The following KALRN variants were observed in gnomAD, a reference collection of about 807,000 sequenced individuals.
The protein encoded by KALRN is kalirin.
KALRN carries 70 observed loss-of-function variants against 353.7 expected under a neutral mutation model. The ratio of observed to expected loss-of-function variants is 0.20; its 90% CI spans 0.16 to 0.24. The LOEUF is 0.24. KALRN is among the 10% of genes least tolerant of loss of function. The probability of loss-of-function intolerance (pLI) is 1.00; values close to 1 mark genes in which losing one functional copy is unlikely to be tolerated. For missense variants in KALRN, 2,791 were observed against 3,756.7 expected (o/e 0.74, Z 6.72); for synonymous variants, 1,391 against 1,434.8 (o/e 0.97, Z 0.69).
At chr3:124,120,362 G>A (rs930573639) in intron 1 of KALRN, among the ~76,000 whole-genome samples, 2 of 152,126 alleles carry the variant, frequency 1.3e-5, no homozygotes, top group African/African-American at 2.4e-5. Flanking sequence ...ATCCACAGGT[G>A]GTTTAGGTAA....
intron 32 of KALRN, among the ~76,000 whole-genome samples, chr3:124,495,965 G>GTGTATATATATATATA (rs1239001137): frequency 5.3e-4 from 22 of 41,472 alleles, no homozygotes; most frequent in South Asian, 1.9e-3. Context: ...GTGTATGTAT[G>GTGTATATATATATATA]TATATATATA....
At chr3:124,259,544 G>C (rs1039638258) in intron 3 of KALRN, among the ~76,000 whole-genome samples, 1 of 152,148 alleles carries the variant, frequency 6.6e-6, no homozygotes, top group Non-Finnish European at 1.5e-5. Flanking sequence ...TACATTGTGG[G>C]AACTGAGGCA....
intron 34 of KALRN, among the ~76,000 whole-genome samples, chr3:124,577,673 G>A (rs2074247758): frequency 6.6e-6 from 1 of 152,092 alleles, no homozygotes; most frequent in Non-Finnish European, 1.5e-5. Context: ...GATTGCTTGA[G>A]GCCAAGAGTT....
At position 124,398,844 on chromosome 3, in the gene KALRN, G is replaced by A. The variant is rs748805122; in HGVS notation, c.2319G>A (p.Leu773=). 3 of 1,613,426 alleles carry A rather than the reference G, an allele frequency of 1.9e-6. No individual in the cohort carries two copies. Among genetic ancestry groups the A allele is most frequent in the African/African-American group, 2.7e-5 (2 of 74,918 alleles). The change falls in exon 13 of 60, where the codon CTG becomes CTA. Residue 773 remains leucine (L), a synonymous_variant. Transcript: ENST00000682506. The part of the protein sequence containing the change: ...RKIKLDIFLQ[L]RIFEQYTIEV... Reference sequence around the variant, plus strand: ...TCAAGCTGGACATCTTCCTGCAACTGCGCATCTTTGAGCAGTACACCATCG... The same window carrying A: ...TCAAGCTGGACATCTTCCTGCAACTACGCATCTTTGAGCAGTACACCATCG...
intron 28 of KALRN, among the ~76,000 whole-genome samples, chr3:124,484,320 G>A (rs971403731): frequency 1.3e-5 from 2 of 152,182 alleles, no homozygotes; most frequent in African/African-American, 2.4e-5. Flanking sequence ...CTGAGTCAGA[G>A]TGGGGCCGTG....
intron 9 of KALRN, among the ~76,000 whole-genome samples, chr3:124,343,491 A>G: frequency 6.6e-6 from 1 of 152,178 alleles, no homozygotes; most frequent in East Asian, 1.9e-4. Context: ...CTGAAAATGA[A>G]AAGTGTCTTT....
At chr3:124,451,026 C>T (rs1030878334) in intron 21 of KALRN, among the ~76,000 whole-genome samples, 1 of 148,338 alleles carries the variant, frequency 6.7e-6, no homozygotes, top group Non-Finnish European at 1.5e-5. Context: ...TTTGTGTCTA[C>T]AAAAAAAAAT....
intron 45 of KALRN, among the ~76,000 whole-genome samples, chr3:124,664,368 T>TGCACGC (rs1347109561): frequency 7.6e-6 from 1 of 132,148 alleles, no homozygotes; most frequent in African/African-American, 3.1e-5. Flanking sequence ...TGTGTGTGTG[T>TGCACGC]GTGCGCGCGC....
intron 5 of KALRN, among the ~76,000 whole-genome samples, chr3:124,294,488 A>G (rs946350953): frequency 6.9e-6 from 1 of 144,876 alleles, no homozygotes; most frequent in African/African-American, 2.6e-5. Context: ...GCATCACACA[A>G]TTGTCAGGGC....
At chr3:124,602,044 A>T (rs1425987187) in intron 34 of KALRN, among the ~76,000 whole-genome samples, 1 of 149,926 alleles carries the variant, frequency 6.7e-6, no homozygotes, top group Non-Finnish European at 1.5e-5. Context: ...AAAAAAAAAG[A>T]AAAGAAAAAT....
In KALRN at chr3:124,671,913, A is replaced by C; in HGVS notation, c.6942+15A>C. On this transcript the variant is annotated intron_variant, in intron 48 of 59. Coordinates refer to ENST00000682506, the MANE Select transcript of KALRN (RefSeq NM_001388419.1). ...AAGCCAGCAAGGTAAGTGACAACTCATTACTCCCACCCTTGTCACTACGAT... is the reference window on the plus strand; with the variant it reads ...AAGCCAGCAAGGTAAGTGACAACTCCTTACTCCCACCCTTGTCACTACGAT... 160 of 1,554,214 alleles carry C rather than the reference A, an allele frequency of 1.0e-4. No homozygotes were observed. Among genetic ancestry groups the C allele is most frequent in the Non-Finnish European group, 1.3e-4 (148 of 1,125,994 alleles).
At chr3:124,362,170 G>A (rs2084124352) in intron 10 of KALRN, among the ~76,000 whole-genome samples, 1 of 152,134 alleles carries the variant, frequency 6.6e-6, no homozygotes, top group African/African-American at 2.4e-5. Context: ...TGAGGAAAAG[G>A]GCTTCAGGCA....
At chr3:124,305,737 C>T (rs1046244237) in intron 6 of KALRN, among the ~76,000 whole-genome samples, 1 of 151,968 alleles carries the variant, frequency 6.6e-6, no homozygotes, top group Non-Finnish European at 1.5e-5. Flanking sequence ...AACAAATAAG[C>T]AAATAACAAC....
chr3:124,442,078 C>T lies in KALRN; in HGVS notation c.3313+19C>T, dbSNP rs1266592258. ...GTGAAAGGTCAGTGAGAGACCTGCC[C>T]AGCCACCAGTCACTTCAGCGACAGC... On this transcript the variant is annotated intron_variant, in intron 19 of 59. Coordinates refer to ENST00000682506, the MANE Select transcript of KALRN (RefSeq NM_001388419.1). The T allele has an allele frequency of 2.2e-5, 33 of 1,511,030 alleles. No individual in the cohort carries two copies. The highest frequency in any genetic ancestry group is 2.8e-5 in the Non-Finnish European group (31 of 1,099,140). The allele number at this position is 1,511,030 out of a possible 1,614,324, so 93.6% of individuals were successfully genotyped here. A position where few individuals can be genotyped will look rare whatever the true frequency, so the allele number is the denominator to read the frequency against.
At chr3:124,134,645 C>T (rs1167183045) in intron 1 of KALRN, among the ~76,000 whole-genome samples, 1 of 152,134 alleles carries the variant, frequency 6.6e-6, no homozygotes, top group African/African-American at 2.4e-5. Flanking sequence ...GGACTAATAT[C>T]CAGAATCTAC....
intron 1 of KALRN, among the ~76,000 whole-genome samples, chr3:124,073,309 G>A (rs2149277542): frequency 6.6e-6 from 1 of 152,302 alleles, no homozygotes; most frequent in East Asian, 1.9e-4. Context: ...CCTCTTGGAA[G>A]CAGTAAATGG....
chr3:124,607,317 T>TCAA (rs34749045), intron 34 of KALRN, among the ~76,000 whole-genome samples: 1 of 151,566 alleles, frequency 6.6e-6, no homozygotes, highest in East Asian at 1.9e-4. Flanking sequence ...AGTATAAACA[T>TCAA]TGTGCAAGAA....
intron 33 of KALRN, among the ~76,000 whole-genome samples, chr3:124,532,233 G>A (rs2068101653): frequency 6.6e-6 from 1 of 152,170 alleles, no homozygotes; most frequent in Non-Finnish European, 1.5e-5. Context: ...TGCCACATAT[G>A]TCATGTCACC....
chr3:124,430,800 G>A (rs371443590), intron 16 of KALRN, 25 bp downstream of exon 16: 11 of 1,610,214 alleles, frequency 6.8e-6, no homozygotes, highest in Non-Finnish European at 9.3e-6. Flanking sequence ...TGGCTGCACT[G>A]TCCTCCCTTC....
Sources: allele counts gnomAD v4.1 joint callset (sites outside exome capture counted in the v4.1 genomes callset), GRCh38; gene constraint gnomAD v4.1.1; transcripts MANE v1.5; gene names NCBI Gene and HGNC (gene_info 2026-07-23, HGNC 2026-07-21).